RAD51B: variants seen among roughly 807,000 people sequenced by gnomAD.
RAD51B encodes DNA repair protein RAD51 homolog 2.
RAD51B carries 38 observed loss-of-function variants against 42.2 expected under a neutral mutation model. The ratio of observed to expected loss-of-function variants is 0.90; its 90% confidence interval spans 0.70 to 1.18. The LOEUF (loss-of-function observed/expected upper bound fraction) is 1.18, where lower values mean the gene tolerates loss of function less well. Ranked by LOEUF, RAD51B falls within the 50% of genes most tolerant of loss-of-function variation. RAD51B has a pLI of 0.00. For missense variants in RAD51B, 373 were observed against 400.7 expected (o/e 0.93, Z 0.59); for synonymous variants, 154 against 145.2 (o/e 1.06, Z -0.43).
intron 10 of RAD51B, among the ~76,000 whole-genome samples, chr14:68,496,260 G>GA (rs1438817769): frequency 6.6e-5 from 10 of 152,138 alleles, no homozygotes; most frequent in Admixed American, 2.0e-4. Flanking sequence ...AAAGTCACCG[G>GA]AAAAAATGGG....
chr14:68,635,221 T>A (rs1892318177), intron 10 of RAD51B, among the ~76,000 whole-genome samples: 1 of 152,244 alleles, frequency 6.6e-6, no homozygotes, highest in African/African-American at 2.4e-5. Context: ...CTCCTGCTAA[T>A]GGATGGGGCT....
intron 10 of RAD51B, among the ~76,000 whole-genome samples, chr14:68,610,618 C>A (rs1566954415): frequency 6.6e-6 from 1 of 152,254 alleles, no homozygotes; most frequent in Non-Finnish European, 1.5e-5. Flanking sequence ...CTGCTCACTC[C>A]CAGAACTGAC....
At chr14:68,587,594 T>G (rs1449503015) in intron 10 of RAD51B, among the ~76,000 whole-genome samples, 1 of 151,928 alleles carries the variant, frequency 6.6e-6, no homozygotes, top group Non-Finnish European at 1.5e-5. Flanking sequence ...AGAGGCCATC[T>G]GAGAGAGATT....
At chr14:68,261,164 G>C (rs554463779) in intron 7 of RAD51B, among the ~76,000 whole-genome samples, 3 of 152,364 alleles carry the variant, frequency 2.0e-5, no homozygotes, top group Admixed American at 2.0e-4. Context: ...GAAGCATTTT[G>C]AAATTGGGCA....
chr14:68,540,780 G>A (rs577223475), intron 10 of RAD51B: 8 of 985,438 alleles, frequency 8.1e-6, no homozygotes, highest in Non-Finnish European at 9.6e-6. Context: ...GGACTCCAAG[G>A]TTGAGTAGAA....
chr14:68,045,909 G>A (rs2076291792), intron 7 of RAD51B, among the ~76,000 whole-genome samples: 1 of 151,340 alleles, frequency 6.6e-6, no homozygotes, highest in South Asian at 2.1e-4. Flanking sequence ...AAATATTTGA[G>A]TTTTTTCCTC....
intron 7 of RAD51B, among the ~76,000 whole-genome samples, chr14:68,155,990 C>T (rs1239672231): frequency 6.6e-6 from 1 of 152,138 alleles, no homozygotes; most frequent in Admixed American, 6.5e-5. Flanking sequence ...GAAGTAAGAA[C>T]TAGATAATAT....
chr14:68,325,573 ATTT>A (rs5809376), intron 8 of RAD51B, among the ~76,000 whole-genome samples: 1 of 144,404 alleles, frequency 6.9e-6, no homozygotes, highest in Non-Finnish European at 1.5e-5. Flanking sequence ...TCACATTCTC[ATTT>A]TTTTTTTTTT....
At chr14:68,249,267 G>A (rs1465810318) in intron 7 of RAD51B, among the ~76,000 whole-genome samples, 1 of 152,212 alleles carries the variant, frequency 6.6e-6, no homozygotes, top group Non-Finnish European at 1.5e-5. Context: ...ATGTTGTGAA[G>A]AGTATGAACT....
intron 7 of RAD51B, among the ~76,000 whole-genome samples, chr14:68,193,249 G>A (rs2079303231): frequency 1.3e-5 from 2 of 152,058 alleles, no homozygotes; most frequent in African/African-American, 4.8e-5. Flanking sequence ...ACACTCAAAT[G>A]CTACTTATAT....
intron 7 of RAD51B, among the ~76,000 whole-genome samples, chr14:68,250,531 C>A (rs1021956714): frequency 6.6e-6 from 1 of 152,184 alleles, no homozygotes; most frequent in East Asian, 1.9e-4. Flanking sequence ...TTATAGAATT[C>A]TTTGGATTTG....
At chr14:68,538,363 T>A (rs952312782) in intron 10 of RAD51B, among the ~76,000 whole-genome samples, 2 of 152,176 alleles carry the variant, frequency 1.3e-5, no homozygotes, top group Admixed American at 6.5e-5. Flanking sequence ...AGCCAGCTCT[T>A]CTCTGCTGCC....
chr14:67,995,980 G>T (rs2075377527), intron 7 of RAD51B, among the ~76,000 whole-genome samples: 1 of 152,062 alleles, frequency 6.6e-6, no homozygotes, highest in African/African-American at 2.4e-5. Context: ...TTCATTCAAG[G>T]AGTACTTAAT....
At chr14:68,237,558 A>T (rs2080285846) in intron 7 of RAD51B, among the ~76,000 whole-genome samples, 2 of 152,066 alleles carry the variant, frequency 1.3e-5, no homozygotes, top group South Asian at 2.1e-4. Context: ...GAAATCTTGT[A>T]CCCATTAGCA....
rs574667444 is a variant in RAD51B at position 68,178,038 on chromosome 14, C to A, written c.757-113846C>A. 9.9e-5 allele frequency among the ~76,000 whole-genome samples: 15 copies of A among 152,260 alleles called. No individual in the cohort carries two copies. In the South Asian group the frequency reaches 2.9e-3, roughly 29 times the overall value. On this transcript the variant is annotated intron_variant, in intron 7 of 10. Coordinates refer to ENST00000471583, the MANE Select transcript of RAD51B (RefSeq NM_133510.4). ...TTCTAACGTTGAGCTGGTGACCATG[C>A]TGCCCTCTTCATTTTGCAGTAATCA...
chr14:68,011,666 C>G (rs2075685367), intron 7 of RAD51B, among the ~76,000 whole-genome samples: 1 of 151,966 alleles, frequency 6.6e-6, no homozygotes, highest in South Asian at 2.1e-4. Context: ...CTGGCTGTAC[C>G]AGTTCCAGTT....
At chr14:68,235,201 G>T (rs867863010) in intron 7 of RAD51B, among the ~76,000 whole-genome samples, 6 of 152,046 alleles carry the variant, frequency 3.9e-5, no homozygotes, top group African/African-American at 1.2e-4. Flanking sequence ...GTTTACACCA[G>T]CATCACCACA....
At chr14:68,374,466 G>A (rs2083325496) in intron 8 of RAD51B, among the ~76,000 whole-genome samples, 1 of 152,142 alleles carries the variant, frequency 6.6e-6, no homozygotes, top group Non-Finnish European at 1.5e-5. Flanking sequence ...CTAGGTGATA[G>A]ACTTCCTTTT....
intron 8 of RAD51B, among the ~76,000 whole-genome samples, chr14:68,336,899 A>G (rs1177450036): frequency 6.6e-6 from 1 of 152,258 alleles, no homozygotes. Context: ...ATGCATTTAT[A>G]TAAGGTAGAA....
Sources: allele counts gnomAD v4.1 joint callset (sites outside exome capture counted in the v4.1 genomes callset), GRCh38; gene constraint gnomAD v4.1.1; transcripts MANE v1.5; gene names NCBI Gene and HGNC (gene_info 2026-07-23, HGNC 2026-07-21).